PRKCE: variants seen among roughly 807,000 people sequenced by gnomAD.
PRKCE encodes protein kinase C epsilon type.
PRKCE carries 16 observed loss-of-function variants against 85.4 expected under a neutral mutation model. The observed-to-expected ratio is 0.19, with a 90% CI of 0.13 to 0.28. The LOEUF (loss-of-function observed/expected upper bound fraction) is 0.28, where lower values mean the gene tolerates loss of function less well. PRKCE is among the 10% of genes least tolerant of loss of function. PRKCE has a pLI of 1.00. For missense variants in PRKCE, 573 were observed against 975.2 expected, an observed-to-expected ratio of 0.59 and a Z score of 5.49; for synonymous variants, 388 against 371.5, an observed-to-expected ratio of 1.04 and a Z score of -0.51.
intron 10 of PRKCE, among the ~76,000 whole-genome samples, chr2:46,050,565 A>G (rs1233338558): frequency 6.6e-6 from 1 of 152,140 alleles, no homozygotes; most frequent in East Asian, 1.9e-4. Context: ...ATTATAAAAT[A>G]TTAGCTGTGA....
At position 45,892,876 on chromosome 2, in the gene PRKCE, G is replaced by A. The variant is rs142496925; in HGVS notation, c.412+49813G>A. Among the ~76,000 whole-genome samples the A allele has an allele frequency of 2.2e-4, 34 of 152,294 alleles. No individual in the cohort carries two copies. In the East Asian group the frequency reaches 5.8e-3, roughly 26 times the overall value. ...GTTTGCAGAAAGAGCGACCAGAAATGTGCAGCAGTCAGTAATGTACCCCCC... is the reference window on the plus strand; with the variant it reads ...GTTTGCAGAAAGAGCGACCAGAAATATGCAGCAGTCAGTAATGTACCCCCC... On this transcript the variant is annotated intron_variant, in intron 2 of 14. Transcript: ENST00000306156.
intron 2 of PRKCE, among the ~76,000 whole-genome samples, chr2:45,910,094 A>T (rs1032509296): frequency 5.9e-5 from 9 of 151,590 alleles, no homozygotes; most frequent in African/African-American, 2.2e-4. Flanking sequence ...ACCTCAACTC[A>T]TGCTACAAGG....
intron 1 of PRKCE, among the ~76,000 whole-genome samples, chr2:45,683,012 G>A (rs1340576179): frequency 2.0e-5 from 3 of 152,174 alleles, no homozygotes; most frequent in African/African-American, 4.8e-5. Context: ...AATATTGTAC[G>A]TCTTTTATTT....
At chr2:45,997,857 A>G (rs1394647059) in intron 6 of PRKCE, among the ~76,000 whole-genome samples, 1 of 152,170 alleles carries the variant, frequency 6.6e-6, no homozygotes, top group South Asian at 2.1e-4. Flanking sequence ...GGTAAGTTGT[A>G]TTTTAATTAA....
chr2:46,061,859 C>CTTTTTTT (rs10695600), intron 10 of PRKCE, among the ~76,000 whole-genome samples: 1 of 107,746 alleles, frequency 9.3e-6, no homozygotes, highest in Non-Finnish European at 1.8e-5. Flanking sequence ...TTTTCTTTTT[C>CTTTTTTT]TTTTTTTTTT....
chr2:46,166,788 C>T (rs1409028225), intron 14 of PRKCE: 1 of 152,152 alleles, frequency 6.6e-6, no homozygotes, highest in African/African-American at 2.4e-5. Context: ...CTCAGGAGTT[C>T]GAGACAAGCC....
chr2:45,718,004 C>T (rs528729130), intron 1 of PRKCE, among the ~76,000 whole-genome samples: 156 of 152,286 alleles, frequency 1.0e-3, no homozygotes, highest in African/African-American at 3.7e-3. Flanking sequence ...TATAAGAATC[C>T]TTGTAGATAC....
intron 1 of PRKCE, among the ~76,000 whole-genome samples, chr2:45,761,431 T>C (rs2104828977): frequency 6.6e-6 from 1 of 152,202 alleles, no homozygotes. Context: ...GTGTTAAGTA[T>C]TTGCTGTGTC....
At chr2:45,881,656 TA>T (rs1694899055) in intron 2 of PRKCE, among the ~76,000 whole-genome samples, 1 of 152,262 alleles carries the variant, frequency 6.6e-6, no homozygotes, top group Admixed American at 6.5e-5. Context: ...TGGTAGGTGC[TA>T]TAGTCATCCC....
At chr2:46,106,070 A>C (rs557880394) in intron 11 of PRKCE, among the ~76,000 whole-genome samples, 2 of 152,230 alleles carry the variant, frequency 1.3e-5, no homozygotes, top group East Asian at 3.9e-4. Context: ...TTTCTAGGCT[A>C]TGTGGTTTGT....
intron 1 of PRKCE, among the ~76,000 whole-genome samples, chr2:45,689,315 C>T (rs1331064253): frequency 2.6e-5 from 4 of 152,232 alleles, no homozygotes; most frequent in Middle Eastern, 3.4e-3. Context: ...GTAACCAGAA[C>T]GTGATCATGA....
chr2:45,812,143 G>A (rs1688696663), intron 1 of PRKCE, among the ~76,000 whole-genome samples: 1 of 152,222 alleles, frequency 6.6e-6, no homozygotes, highest in South Asian at 2.1e-4. Flanking sequence ...GTAAAGATCT[G>A]CATCTGTGAA....
chr2:45,979,564 G>A (rs1025662355), intron 4 of PRKCE, among the ~76,000 whole-genome samples: 1 of 152,148 alleles, frequency 6.6e-6, no homozygotes, highest in Non-Finnish European at 1.5e-5. Flanking sequence ...AGTTTAAGTT[G>A]TACAAAATTG....
chr2:46,104,174 A>T (rs922610034), intron 11 of PRKCE, among the ~76,000 whole-genome samples: 1 of 151,948 alleles, frequency 6.6e-6, no homozygotes, highest in African/African-American at 2.4e-5. Flanking sequence ...CTTCCTCATC[A>T]TCTGGCATTG....
chr2:45,884,954 CATATATATATATATATATATATATAT>C (rs745477412), intron 2 of PRKCE, among the ~76,000 whole-genome samples: 38 of 37,568 alleles, frequency 1.0e-3, no homozygotes, highest in African/African-American at 2.2e-3. Flanking sequence ...ATATGTGATC[CATATATATATATATATATATATATAT>C]ATATATATAT....
intron 1 of PRKCE, among the ~76,000 whole-genome samples, chr2:45,665,404 C>G (rs1443733043): frequency 2.0e-5 from 3 of 152,190 alleles, no homozygotes; most frequent in African/African-American, 7.2e-5. Flanking sequence ...TAACAGTCAT[C>G]TTTTGCAGTT....
Position 45,984,603 on chromosome 2 carries a change from A to G in PRKCE, c.746A>G (p.Asn249Ser), listed in dbSNP as rs1457130427. The G allele has an allele frequency of 1.3e-6, 2 of 1,599,788 alleles. No homozygotes were observed. The highest frequency in any genetic ancestry group is 2.2e-5 in the South Asian group (2 of 91,082). Reference protein sequence around the residue: ...VNMPHKFGIHNYKVPTFCDHC... With the variant: ...VNMPHKFGIHSYKVPTFCDHC... ...ATGCCCCACAAGTTCGGTATCCACA[A>G]CTACAAGGTCCCTACCTTCTGCGAT... Residue 249 changes from asparagine (N) to serine (S), a missense_variant, in exon 6 of 15, where the codon AAC (asparagine) becomes AGC (serine). Asn to Ser is a conservative substitution (Grantham distance 46). Coordinates refer to ENST00000306156, the MANE Select transcript of PRKCE (RefSeq NM_005400.3).
intron 10 of PRKCE, among the ~76,000 whole-genome samples, chr2:46,030,009 A>G (rs1010378177): frequency 1.4e-4 from 21 of 152,164 alleles, no homozygotes; most frequent in African/African-American, 4.8e-4. Context: ...AAACATGGCT[A>G]GAAGATTCTG....
intron 5 of PRKCE, among the ~76,000 whole-genome samples, chr2:45,983,446 G>A (rs61756862): frequency 0.017 from 2,570 of 152,292 alleles, 40 homozygotes; most frequent in Middle Eastern, 0.058. Flanking sequence ...GGCTGGGGGT[G>A]CAGCTGCTCC....
Sources: allele counts gnomAD v4.1 joint callset (sites outside exome capture counted in the v4.1 genomes callset), GRCh38; gene constraint gnomAD v4.1.1; transcripts MANE v1.5; gene names NCBI Gene and HGNC (gene_info 2026-07-23, HGNC 2026-07-21).